DNAI7: variants seen among roughly 807,000 people sequenced by gnomAD.
The protein encoded by DNAI7 is dynein axonemal intermediate chain 7.
DNAI7 carries 78 observed loss-of-function variants against 86.6 expected under a neutral mutation model. That is an observed-to-expected ratio of 0.90 (90% CI 0.75 to 1.09). The LOEUF (loss-of-function observed/expected upper bound fraction) is 1.09. Among genes scored for constraint, DNAI7 ranks in the 50% least tolerant of loss-of-function variants. The pLI, the probability that DNAI7 is intolerant of heterozygous loss-of-function variation, is 0.00. For synonymous variants in DNAI7, 274 were observed against 273.0 expected, an observed-to-expected ratio of 1.00 and a Z score of -0.04; for missense variants, 753 against 810.2, an observed-to-expected ratio of 0.93 and a Z score of 0.86.
chr12:25,159,726 T>C (rs902427378), intron 3 of DNAI7, among the ~76,000 whole-genome samples: 2 of 152,026 alleles, frequency 1.3e-5, no homozygotes, highest in Non-Finnish European at 2.9e-5. Context: ...ATAAGTTTAA[T>C]CCAATATAAA....
intron 9 of DNAI7, among the ~76,000 whole-genome samples, chr12:25,139,305 C>A (rs1276035283): frequency 6.6e-6 from 1 of 152,106 alleles, no homozygotes; most frequent in Admixed American, 6.5e-5. Context: ...GATACCAATC[C>A]TATTGACACT....
At chr12:25,141,370 A>T (rs1344333872) in intron 9 of DNAI7, among the ~76,000 whole-genome samples, 10 of 152,244 alleles carry the variant, frequency 6.6e-5, no homozygotes, top group African/African-American at 2.4e-4. Context: ...ACAAATCAGC[A>T]AGAAAATAAT....
At chr12:25,144,261 A>C (rs1592386441) in intron 9 of DNAI7, 104 bp downstream of exon 9, 1 of 967,324 alleles carries the variant, frequency 1.0e-6, no homozygotes, top group African/African-American at 1.6e-5. Context: ...AGTGGCTCCC[A>C]GACAATTTCC....
At chr12:25,143,805 A>AT (rs1047677569) in intron 9 of DNAI7, among the ~76,000 whole-genome samples, 2 of 152,208 alleles carry the variant, frequency 1.3e-5, no homozygotes, top group African/African-American at 2.4e-5. Context: ...CTTAAGAGAC[A>AT]TTTTTTCTAA....
intron 12 of DNAI7, among the ~76,000 whole-genome samples, chr12:25,115,131 G>A (rs1194370081): frequency 1.3e-5 from 2 of 152,086 alleles, no homozygotes; most frequent in Non-Finnish European, 2.9e-5. Flanking sequence ...AAGGGAAAAA[G>A]TTTTTCTCTT....
intron 9 of DNAI7, among the ~76,000 whole-genome samples, chr12:25,134,351 A>AAT (rs1425235776): frequency 2.9e-5 from 1 of 34,718 alleles, no homozygotes; most frequent in Non-Finnish European, 5.6e-5. Context: ...TCCTTGGCGT[A>AAT]CTTTTTTTTT....
chr12:25,174,902 G>A (rs956861645), intron 2 of DNAI7, among the ~76,000 whole-genome samples: 4 of 151,646 alleles, frequency 2.6e-5, no homozygotes, highest in Non-Finnish European at 5.9e-5. Context: ...ATGTGTGGGA[G>A]CTAAGCTATG....
intron 13 of DNAI7, among the ~76,000 whole-genome samples, chr12:25,113,816 C>A (rs2140365463): frequency 6.6e-6 from 1 of 152,208 alleles, no homozygotes; most frequent in South Asian, 2.1e-4. Flanking sequence ...TTTCATCCCT[C>A]CCAATAAGAT....
At chr12:25,163,065 G>A (rs188049026) in intron 2 of DNAI7, among the ~76,000 whole-genome samples, 98 of 152,290 alleles carry the variant, frequency 6.4e-4, no homozygotes, top group African/African-American at 1.7e-3. Flanking sequence ...CCCCAATTGC[G>A]CAAGCGGGAA....
chr12:25,178,084 T>A (rs1949134660), intron 2 of DNAI7, among the ~76,000 whole-genome samples: 1 of 152,204 alleles, frequency 6.6e-6, no homozygotes, highest in Non-Finnish European at 1.5e-5. Flanking sequence ...CCATTTTCCT[T>A]TCTCATAATA....
chr12:25,176,571 A>G (rs901484628), intron 2 of DNAI7, among the ~76,000 whole-genome samples: 1 of 151,932 alleles, frequency 6.6e-6, no homozygotes, highest in African/African-American at 2.4e-5. Flanking sequence ...TTATTTTTTA[A>G]TTTTTATAAA....
intron 10 of DNAI7, among the ~76,000 whole-genome samples, chr12:25,122,217 C>A (rs1031881135): frequency 6.6e-6 from 1 of 151,876 alleles, no homozygotes; most frequent in Non-Finnish European, 1.5e-5. Flanking sequence ...CACTACTTTG[C>A]GAGGCTGAGG....
At chr12:25,108,049 C>G (rs1565599701), downstream of DNAI7, 1 of 1,613,414 alleles carries the variant, frequency 6.2e-7, no homozygotes, top group East Asian at 2.2e-5. Context: ...CAATGGGCCA[C>G]CACCAGTGTG....
intron 2 of DNAI7, among the ~76,000 whole-genome samples, chr12:25,171,405 C>G (rs1435136906): frequency 2.0e-5 from 3 of 151,952 alleles, no homozygotes; most frequent in Admixed American, 6.6e-5. Flanking sequence ...AAAATACAAC[C>G]CTCCTACCTT....
At chr12:25,192,050 T>C (rs1342378530) in intron 1 of DNAI7, among the ~76,000 whole-genome samples, 2 of 152,230 alleles carry the variant, frequency 1.3e-5, no homozygotes, top group African/African-American at 4.8e-5. Context: ...AGAGTGCATA[T>C]ATTACACTAA....
At chr12:25,173,027 C>T (rs1948310840) in intron 2 of DNAI7, among the ~76,000 whole-genome samples, 1 of 152,062 alleles carries the variant, frequency 6.6e-6, no homozygotes, top group Non-Finnish European at 1.5e-5. Context: ...AAAAACTGTT[C>T]TAGACATTGG....
intron 2 of DNAI7, among the ~76,000 whole-genome samples, chr12:25,165,348 A>G (rs1007733432): frequency 6.6e-6 from 1 of 152,202 alleles, no homozygotes; most frequent in African/African-American, 2.4e-5. Flanking sequence ...TATCTCCAGC[A>G]CACAAGAACT....
rs375797403 is a variant in DNAI7 at position 25,161,172 on chromosome 12, G to A, written c.47C>T (p.Thr16Ile). The A allele has an allele frequency of 6.2e-7, 1 of 1,613,636 alleles. No homozygotes were observed. Among genetic ancestry groups the A allele is most frequent in the African/African-American group, 1.3e-5 (1 of 74,836 alleles). The change falls in exon 3 of 16, where the codon ACC (threonine) becomes ATC (isoleucine). Residue 16 changes from threonine (T) to isoleucine (I), a missense_variant. Physicochemically the swap from Thr to Ile is moderately conservative, Grantham distance 89 (BLOSUM62 -1). Coordinates refer to ENST00000395987, the MANE Select transcript of DNAI7 (RefSeq NM_018272.5). ...KKSGSKKKKVTKAERLKLLQE... is the reference protein window; with the variant it reads ...KKSGSKKKKVIKAERLKLLQE... ...TAGCAGCTTCAATCGTTCAGCTTTG[G>A]TGACTTTCTTTTTCTTACTGCCAGA...
At chr12:25,141,324 T>G (rs1240930408) in intron 9 of DNAI7, among the ~76,000 whole-genome samples, 1 of 152,168 alleles carries the variant, frequency 6.6e-6, no homozygotes, top group African/African-American at 2.4e-5. Flanking sequence ...CAAAGATTAT[T>G]AGATGCAGAA....
Sources: gnomAD v4.1 joint callset for allele counts (sites outside exome capture counted in the v4.1 genomes callset) on GRCh38, gnomAD v4.1.1 for gene constraint, MANE v1.5 for transcripts, NCBI Gene and HGNC (gene_info 2026-07-23, HGNC 2026-07-21) for gene names.